The following DAB2IP variants were observed in gnomAD, a reference collection of about 807,000 sequenced individuals.
DAB2IP encodes the protein disabled homolog 2-interacting protein.
Under a neutral mutation model 107.2 loss-of-function variants are expected in DAB2IP, and 28 were observed. The observed-to-expected ratio is 0.26, with a 90% CI of 0.19 to 0.36. The LOEUF (loss-of-function observed/expected upper bound fraction) is 0.36. DAB2IP is among the 10% of genes least tolerant of loss of function. The pLI, the probability that DAB2IP is intolerant of heterozygous loss-of-function variation, is 1.00. For missense variants in DAB2IP, 1,400 were observed against 1,644.7 expected, an observed-to-expected ratio of 0.85 and a Z score of 2.57; for synonymous variants, 755 against 706.4, an observed-to-expected ratio of 1.07 and a Z score of -1.09.
chr9:121,673,890 C>A (rs981222796), intron 1 of DAB2IP, among the ~76,000 whole-genome samples: 1 of 152,202 alleles, frequency 6.6e-6, no homozygotes, highest in Non-Finnish European at 1.5e-5. Flanking sequence ...CCCATCAGCT[C>A]CATGGGTGAC....
At chr9:121,770,513 A>G in intron 10 of DAB2IP, 33 bp from the exon 11 acceptor site, 1 of 1,601,816 alleles carries the variant, frequency 6.2e-7, no homozygotes, top group Non-Finnish European at 8.5e-7. Context: ...TGGTCCCAGG[A>G]GGTCACACCT....
chr9:121,713,483 C>A (rs1830434687), intron 3 of DAB2IP, among the ~76,000 whole-genome samples: 1 of 152,170 alleles, frequency 6.6e-6, no homozygotes, highest in Non-Finnish European at 1.5e-5. Flanking sequence ...CACACCATTC[C>A]CGACTCTCAC....
At chr9:121,674,257 GT>G (rs1833798371) in intron 1 of DAB2IP, among the ~76,000 whole-genome samples, 1 of 152,222 alleles carries the variant, frequency 6.6e-6, no homozygotes, top group Non-Finnish European at 1.5e-5. Flanking sequence ...CCACATGGAA[GT>G]TGAGGGTCTA....
upstream of DAB2IP, among the ~76,000 whole-genome samples, chr9:121,649,712 A>C (rs142917754): frequency 5.5e-3 from 834 of 152,244 alleles, 2 homozygotes; most frequent in African/African-American, 0.017. Context: ...TCAGAACCCC[A>C]CCTACGTGAG....
intron 3 of DAB2IP, among the ~76,000 whole-genome samples, chr9:121,746,660 A>C (rs748902219): frequency 8.5e-5 from 13 of 152,078 alleles, no homozygotes; most frequent in Non-Finnish European, 1.6e-4. Context: ...CCCGCATTCT[A>C]GGGGGGGCCC....
intron 1 of DAB2IP, among the ~76,000 whole-genome samples, chr9:121,673,894 G>C (rs1284319613): frequency 2.0e-5 from 3 of 152,186 alleles, no homozygotes; most frequent in Non-Finnish European, 4.4e-5. Context: ...TCAGCTCCAT[G>C]GGTGACTCCC....
chr9:121,667,309 G>T (rs1314836563), intron 1 of DAB2IP, among the ~76,000 whole-genome samples: 3 of 152,050 alleles, frequency 2.0e-5, no homozygotes, highest in African/African-American at 7.2e-5. Flanking sequence ...TAAATTACAG[G>T]CGTGAGCCAC....
intron 2 of DAB2IP, among the ~76,000 whole-genome samples, chr9:121,693,824 T>C (rs995945660): frequency 1.3e-5 from 2 of 152,346 alleles, no homozygotes; most frequent in South Asian, 4.1e-4. Flanking sequence ...CCGCCCTTGA[T>C]TGAGCACCTA....
chr9:121,714,395 A>G (rs1830485678), intron 3 of DAB2IP, among the ~76,000 whole-genome samples: 4 of 152,212 alleles, frequency 2.6e-5, no homozygotes, highest in Non-Finnish European at 5.9e-5. Context: ...AAACTCTGAG[A>G]AGGTGTTACT....
intron 1 of DAB2IP, among the ~76,000 whole-genome samples, chr9:121,659,717 C>T (rs965547690): frequency 2.0e-5 from 3 of 152,036 alleles, no homozygotes; most frequent in African/African-American, 7.2e-5. Flanking sequence ...TGGCATGAAC[C>T]CGGGAGGCTG....
At chr9:121,642,778 T>C (rs1305114161) in intron 1 of DAB2IP, among the ~76,000 whole-genome samples, 3 of 152,116 alleles carry the variant, frequency 2.0e-5, no homozygotes, top group African/African-American at 4.8e-5. Flanking sequence ...AACAAATTAA[T>C]GAACATCTGA....
At chr9:121,762,545 G>A (rs955071624) in intron 6 of DAB2IP, among the ~76,000 whole-genome samples, 2 of 152,182 alleles carry the variant, frequency 1.3e-5, no homozygotes, top group African/African-American at 2.4e-5. Context: ...CTGGGTTCCT[G>A]TGTCTAGATC....
At chr9:121,594,972 T>C (rs951530382) in intron 1 of DAB2IP, among the ~76,000 whole-genome samples, 1 of 152,062 alleles carries the variant, frequency 6.6e-6, no homozygotes, top group South Asian at 2.1e-4. Flanking sequence ...TGGGGCATGA[T>C]AGAGCTTGGT....
chr9:121,766,793 G>C (rs1191847751), intron 9 of DAB2IP, 63 bp downstream of exon 9: 12 of 1,550,702 alleles, frequency 7.7e-6, no homozygotes, highest in Non-Finnish European at 1.1e-5. Flanking sequence ...GGCAGGCCCT[G>C]GGGGTGTTTC....
chr9:121,676,099 G>A (rs1009825636), intron 1 of DAB2IP, among the ~76,000 whole-genome samples: 3 of 152,208 alleles, frequency 2.0e-5, no homozygotes, highest in African/African-American at 7.2e-5. Flanking sequence ...GGGCTGGATG[G>A]TCTGGACCTG....
chr9:121,684,588 C>T lies in DAB2IP; in HGVS notation c.228+5807C>T, dbSNP rs552030448. Among the ~76,000 whole-genome samples, 3 of 152,316 alleles carry T rather than the reference C, an allele frequency of 2.0e-5. No individual in the cohort carries two copies. The highest frequency in any genetic ancestry group is 2.1e-4 in the South Asian group (1 of 4,818). On this transcript the variant is annotated intron_variant, in intron 2 of 15. Transcript: ENST00000408936. The surrounding 1 kb of genome is among the most constrained non-coding windows in gnomAD (Gnocchi z 4.0). ...CCCCAGCCCCAGCTGTAGAGGGACC[C>T]GAAGTTTGGGCTGCGGGCTGCCTGA...
chr9:121,758,986 A>C, exon 5 of DAB2IP: 1 of 1,612,368 alleles, frequency 6.2e-7, no homozygotes, highest in Admixed American at 1.7e-5. Flanking sequence ...CGAGCGGTGC[A>C]TCCCAACAAG....
intron 3 of DAB2IP, among the ~76,000 whole-genome samples, chr9:121,753,954 A>G (rs1833303897): frequency 6.6e-6 from 1 of 152,098 alleles, no homozygotes; most frequent in African/African-American, 2.4e-5. Flanking sequence ...TGGAGGTGAA[A>G]AAGGAAGTGG....
intron 3 of DAB2IP, among the ~76,000 whole-genome samples, chr9:121,748,955 C>G (rs1009919820): frequency 2.0e-5 from 3 of 152,206 alleles, no homozygotes; most frequent in Non-Finnish European, 4.4e-5. Context: ...GTCTTGGTGA[C>G]TGCTAGGACC....
Sources: gnomAD v4.1 joint callset for allele counts (sites outside exome capture counted in the v4.1 genomes callset) on GRCh38, gnomAD v4.1.1 for gene constraint, Gnocchi (gnomAD v3.1) non-coding constraint, MANE v1.5 for transcripts, NCBI Gene and HGNC (gene_info 2026-07-23, HGNC 2026-07-21) for gene names.